The following NHSL1 variants were observed in gnomAD, a reference collection of about 807,000 sequenced individuals.
The protein encoded by NHSL1 is NHS-like protein 1.
In NHSL1, 48 loss-of-function variants were observed where a neutral mutation model predicts 95.0. That is an observed-to-expected ratio of 0.51 (90% confidence interval 0.40 to 0.64). NHSL1 has a LOEUF of 0.64. NHSL1 is among the 30% of genes least tolerant of loss of function. The probability of loss-of-function intolerance (pLI) is 0.00; values close to 1 mark genes in which losing one functional copy is unlikely to be tolerated. For synonymous variants in NHSL1, 783 were observed against 833.9 expected (o/e 0.94, Z 1.05); for missense variants, 1,971 against 2,077.7 (o/e 0.95, Z 1.00).
intron 1 of NHSL1, among the ~76,000 whole-genome samples, chr6:138,559,281 C>G (rs1398345144): frequency 6.6e-6 from 1 of 152,228 alleles, no homozygotes; most frequent in Non-Finnish European, 1.5e-5. Flanking sequence ...TATTCATGGG[C>G]TTTCCCTAGG....
At chr6:138,497,458 C>T (rs933474370) in intron 1 of NHSL1, among the ~76,000 whole-genome samples, 14 of 152,184 alleles carry the variant, frequency 9.2e-5, no homozygotes, top group African/African-American at 2.4e-5. Flanking sequence ...AGAGTTCACA[C>T]TGGGCGTATC....
chr6:138,471,023 A>T (rs1778717627), intron 3 of NHSL1, among the ~76,000 whole-genome samples: 1 of 151,978 alleles, frequency 6.6e-6, no homozygotes, highest in African/African-American at 2.4e-5. Flanking sequence ...CTTCGCACTC[A>T]TTTTCAGCAG....
At chr6:138,443,744 C>CCCAG (rs1562276677) in intron 4 of NHSL1, among the ~76,000 whole-genome samples, 112 of 152,266 alleles carry the variant, frequency 7.4e-4, no homozygotes, top group African/African-American at 2.4e-3. Flanking sequence ...GTGGAAGGAT[C>CCCAG]GCTTGAGCCT....
At chr6:138,486,137 A>G (rs1779716113) in intron 2 of NHSL1, among the ~76,000 whole-genome samples, 2 of 152,002 alleles carry the variant, frequency 1.3e-5, no homozygotes, top group African/African-American at 2.4e-5. Flanking sequence ...TTCTCTTTCC[A>G]TATCTGTAAT....
At chr6:138,501,646 C>G (rs186281741), upstream of NHSL1, among the ~76,000 whole-genome samples, 49 of 152,300 alleles carry the variant, frequency 3.2e-4, no homozygotes, top group Admixed American at 1.0e-3. Context: ...TCTTTCCTCT[C>G]AGAAAATGAA....
intron 1 of NHSL1, among the ~76,000 whole-genome samples, chr6:138,535,655 G>A (rs1210254121): frequency 2.6e-5 from 4 of 152,132 alleles, no homozygotes; most frequent in South Asian, 2.1e-4. Context: ...GATTTGCCAC[G>A]AAATGGGGAA....
chr6:138,614,106 T>C (rs916829252), intron 1 of NHSL1, among the ~76,000 whole-genome samples: 1 of 152,192 alleles, frequency 6.6e-6, no homozygotes, highest in Non-Finnish European at 1.5e-5. Context: ...AAACTATACT[T>C]CCTTTCTTTC....
intron 1 of NHSL1, among the ~76,000 whole-genome samples, chr6:138,673,262 A>G (rs985478717): frequency 9.3e-5 from 14 of 150,324 alleles, no homozygotes; most frequent in African/African-American, 3.4e-4. Flanking sequence ...AGAAAGTCTG[A>G]GGAATTTGCA....
chr6:138,610,405 G>A (rs904922870), intron 1 of NHSL1, among the ~76,000 whole-genome samples: 3 of 151,884 alleles, frequency 2.0e-5, no homozygotes, highest in African/African-American at 7.3e-5. Context: ...TGGGGGGAGC[G>A]GGGAGGGATA....
At chr6:138,573,079 C>T (rs189690384), upstream of NHSL1, among the ~76,000 whole-genome samples, 5 of 152,168 alleles carry the variant, frequency 3.3e-5, no homozygotes, top group South Asian at 2.1e-4. Context: ...CCTCCTCTGC[C>T]GTATCACTGG....
chr6:138,620,821 T>C (rs1017985501), intron 1 of NHSL1, among the ~76,000 whole-genome samples: 3 of 152,150 alleles, frequency 2.0e-5, no homozygotes, highest in Admixed American at 2.0e-4. Flanking sequence ...AGTAGATGGA[T>C]CTCCCAATTG....
intron 5 of NHSL1, among the ~76,000 whole-genome samples, chr6:138,441,495 A>C (rs1776520454): frequency 1.3e-5 from 2 of 152,188 alleles, no homozygotes; most frequent in South Asian, 2.1e-4. Flanking sequence ...ATCCAACATA[A>C]ATGACTATTT....
At chr6:138,559,731 C>T (rs886219860) in intron 1 of NHSL1, among the ~76,000 whole-genome samples, 1 of 152,150 alleles carries the variant, frequency 6.6e-6, no homozygotes, top group Non-Finnish European at 1.5e-5. Context: ...CCGAAAGCAC[C>T]ATTTTTGAGG....
intron 1 of NHSL1, among the ~76,000 whole-genome samples, chr6:138,553,163 G>C (rs755779304): frequency 3.3e-5 from 5 of 152,126 alleles, no homozygotes; most frequent in Non-Finnish European, 5.9e-5. Flanking sequence ...GTCTGGACTT[G>C]TACTCAGTAT....
intron 1 of NHSL1, among the ~76,000 whole-genome samples, chr6:138,664,701 T>C (rs568884677): frequency 6.6e-6 from 1 of 152,254 alleles, no homozygotes; most frequent in Non-Finnish European, 1.5e-5. Flanking sequence ...TCTGTAGCTC[T>C]ATCTTTATCT....
At chr6:138,672,354 T>C (rs1028514589) in intron 1 of NHSL1, among the ~76,000 whole-genome samples, 1 of 152,202 alleles carries the variant, frequency 6.6e-6, no homozygotes, top group Non-Finnish European at 1.5e-5. Flanking sequence ...AGGAATTTCA[T>C]CGCTACCTCC....
chr6:138,434,064 C>T (rs1008999658), intron 5 of NHSL1, among the ~76,000 whole-genome samples: 1 of 152,152 alleles, frequency 6.6e-6, no homozygotes, highest in Non-Finnish European at 1.5e-5. Context: ...ATCTATCAAG[C>T]AGTGACACAT....
At chr6:138,501,410 A>G (rs1780671504), upstream of NHSL1, among the ~76,000 whole-genome samples, 1 of 152,186 alleles carries the variant, frequency 6.6e-6, no homozygotes, top group African/African-American at 2.4e-5. Context: ...AGACAAAATA[A>G]AAAAGTTAAG....
At position 138,561,607 on chromosome 6, in the gene NHSL1, G is replaced by A. The variant is rs569883769; in HGVS notation, c.202+10103C>T. Among the ~76,000 whole-genome samples the A allele has an allele frequency of 3.9e-5, 6 of 152,320 alleles. No homozygotes were observed. The South Asian group carries it at 1.2e-3, about 32-fold the overall frequency. Reference sequence around the variant, plus strand: ...GGGAAAGGGTCTCTCCTCAGTGTGAGTTACTCAGAAGGTTGCTTTATATCA... The same window carrying A: ...GGGAAAGGGTCTCTCCTCAGTGTGAATTACTCAGAAGGTTGCTTTATATCA... On this transcript the variant is annotated intron_variant, in intron 1 of 6. Transcript: ENST00000427025.
Sources: allele counts gnomAD v4.1 joint callset (sites outside exome capture counted in the v4.1 genomes callset), GRCh38; gene constraint gnomAD v4.1.1; transcripts MANE v1.5; gene names NCBI Gene and HGNC (gene_info 2026-07-23, HGNC 2026-07-21).